Variants in CDC14A observed in about 807,000 individuals in gnomAD.
The protein encoded by CDC14A is dual specificity protein phosphatase CDC14A.
CDC14A carries 53 observed loss-of-function variants against 74.4 expected under a neutral mutation model. That is an observed-to-expected ratio of 0.71 (90% confidence interval 0.57 to 0.89). The LOEUF is 0.89. CDC14A is among the 40% of genes least tolerant of loss of function. CDC14A has a pLI of 0.00. For missense variants in CDC14A, 646 were observed against 713.7 expected (o/e 0.91, Z 1.08); for synonymous variants, 247 against 258.4 (o/e 0.96, Z 0.43).
chr1:100,412,182 C>T (rs996720129), intron 4 of CDC14A, among the ~76,000 whole-genome samples: 2 of 152,146 alleles, frequency 1.3e-5, no homozygotes, highest in African/African-American at 4.8e-5. Context: ...TAAAAACTCA[C>T]CTTTTAGAAT....
chr1:100,487,842 G>A (rs1388387899), intron 11 of CDC14A, among the ~76,000 whole-genome samples: 1 of 152,144 alleles, frequency 6.6e-6, no homozygotes, highest in Admixed American at 6.5e-5. Flanking sequence ...CCCTGCTCCT[G>A]CCTTGCACTA....
At chr1:100,394,054 T>C in intron 4 of CDC14A, 2 of 236,564 alleles carry the variant, frequency 8.5e-6, no homozygotes, top group South Asian at 1.2e-4. Flanking sequence ...TGCCCTACTC[T>C]TCTCATTTCT....
intron 11 of CDC14A, among the ~76,000 whole-genome samples, chr1:100,490,196 G>C (rs1403250061): frequency 1.3e-5 from 2 of 152,028 alleles, no homozygotes; most frequent in African/African-American, 2.4e-5. Flanking sequence ...TAAATATAAG[G>C]CTTATTATAT....
At chr1:100,395,232 C>T (rs1288426542) in intron 4 of CDC14A, among the ~76,000 whole-genome samples, 1 of 152,174 alleles carries the variant, frequency 6.6e-6, no homozygotes, top group African/African-American at 2.4e-5. Flanking sequence ...ATCTGCTTCA[C>T]AGGATTATTG....
Position 100,496,041 on chromosome 1 carries a change from G to C in CDC14A, c.1290G>C (p.Gln430His). ...AAGGACATCCAAGAGCAGTGTCCCA[G>C]CCTTTCAGGTACTGCCAATGAGGTT... ...DTKGHPRAVSQPFRLSSSLQG... is the reference protein window; with the variant it reads ...DTKGHPRAVSHPFRLSSSLQG... The change falls in exon 13 of 16, where the codon CAG becomes CAC. Residue 430 changes from glutamine to histidine, a missense_variant. Physicochemically the swap from Gln to His is conservative, Grantham distance 24. Coordinates refer to ENST00000336454, the MANE Select transcript of CDC14A (RefSeq NM_003672.4). 6.2e-7 allele frequency: 1 copy of C among 1,613,530 alleles called. No individual in the cohort carries two copies. The highest frequency in any genetic ancestry group is 8.5e-7 in the Non-Finnish European group (1 of 1,179,474).
At chr1:100,471,542 A>T (rs1668396437) in intron 10 of CDC14A, among the ~76,000 whole-genome samples, 1 of 152,150 alleles carries the variant, frequency 6.6e-6, no homozygotes, top group African/African-American at 2.4e-5. Flanking sequence ...AAAGATAAAG[A>T]TTATCTTGAA....
rs1428801895 is a variant in CDC14A at position 100,519,234 on chromosome 1, G to A, written c.*954G>A. On this transcript the variant is annotated 3_prime_UTR_variant, in exon 16 of 16. Coordinates refer to ENST00000336454, the MANE Select transcript of CDC14A (RefSeq NM_003672.4). ...GGTTTGACATCAGTTTTAAATCAAT[G>A]GAGAGAAAAAACTGAAAAAGATGCT... The A allele has an allele frequency of 6.6e-6, 1 of 151,958 alleles. No homozygotes were observed. The highest frequency in any genetic ancestry group is 1.5e-5 in the Non-Finnish European group (1 of 67,944). 9.4% of individuals were successfully genotyped at this position (151,958 alleles called of 1,614,324 possible).
intron 2 of CDC14A, among the ~76,000 whole-genome samples, chr1:100,375,643 AAAC>A (rs528201307): frequency 4.6e-5 from 7 of 152,182 alleles, no homozygotes; most frequent in Non-Finnish European, 1.0e-4. Context: ...AAAAGTCAGG[AAAC>A]AACAGGTGCT....
intron 5 of CDC14A, among the ~76,000 whole-genome samples, chr1:100,427,112 CTGGGT>C (rs1663053065): frequency 6.6e-6 from 1 of 152,038 alleles, no homozygotes. Flanking sequence ...TCATTATAAT[CTGGGT>C]TTTATTATCA....
intron 2 of CDC14A, among the ~76,000 whole-genome samples, chr1:100,357,274 A>G (rs1652046607): frequency 6.6e-6 from 1 of 152,198 alleles, no homozygotes; most frequent in African/African-American, 2.4e-5. Flanking sequence ...GAAGGTCTCA[A>G]GGTCTGTATT....
Position 100,481,997 on chromosome 1 carries a change from C to T in CDC14A, c.978-2295C>T, listed in dbSNP as rs550399225. On this transcript the variant is annotated intron_variant, in intron 10 of 15. Transcript: ENST00000336454. ...GCTGCTTTTTCTCAAGAAGCACTTG[C>T]GTACAGCATTGCTTAGCAACACACA... Among the ~76,000 whole-genome samples, 15 of 152,292 alleles carry T rather than the reference C, an allele frequency of 9.8e-5. No homozygotes were observed. In the South Asian group the frequency reaches 1.9e-3, roughly 19 times the overall value.
upstream of CDC14A, among the ~76,000 whole-genome samples, chr1:100,351,998 G>GTGTA (rs1248900546): frequency 6.9e-6 from 1 of 145,498 alleles, no homozygotes; most frequent in Non-Finnish European, 1.5e-5. Context: ...GTGTGTGTGT[G>GTGTA]TGTGTGCGCG....
Position 100,519,264 on chromosome 1 carries a change from A to G in CDC14A, c.*984A>G, listed in dbSNP as rs563768044. On this transcript the variant is annotated 3_prime_UTR_variant, in exon 16 of 16. Transcript: ENST00000336454. ...GAAAAAACTGAAAAAGATGCTGCTA[A>G]GTAGTTCTCTGTATTAAAGGAGATA... 1 of 152,142 alleles carries G rather than the reference A, an allele frequency of 6.6e-6. No homozygotes were observed. Among genetic ancestry groups the G allele is most frequent in the African/African-American group, 2.4e-5 (1 of 41,442 alleles). The allele number at this position is 152,142 out of a possible 1,614,324, so 9.4% of individuals were successfully genotyped here.
chr1:100,352,081 G>A (rs1342438589), upstream of CDC14A, among the ~76,000 whole-genome samples: 3 of 151,506 alleles, frequency 2.0e-5, no homozygotes, highest in African/African-American at 4.8e-5. Flanking sequence ...GAGAGAGAGA[G>A]AAAAGAAATC....
chr1:100,375,075 G>A (rs1440192517), intron 2 of CDC14A, among the ~76,000 whole-genome samples: 1 of 152,164 alleles, frequency 6.6e-6, no homozygotes, highest in African/African-American at 2.4e-5. Context: ...TGAAAACTTT[G>A]AGAGAAAGGT....
intron 4 of CDC14A, among the ~76,000 whole-genome samples, chr1:100,418,651 AG>A (rs1661849176): frequency 1.3e-5 from 2 of 152,112 alleles, no homozygotes. Flanking sequence ...TACGGTGATA[AG>A]GGTTTGGATA....
chr1:100,346,744 C>T (rs1243869278), intron 1 of CDC14A, among the ~76,000 whole-genome samples: 1 of 151,724 alleles, frequency 6.6e-6, no homozygotes, highest in Non-Finnish European at 1.5e-5. Flanking sequence ...GCAAACTGGA[C>T]AATAAATTGA....
rs570421359 is a variant in CDC14A, at chr1:100,417,773, C to T, written c.310-6449C>T. Among the ~76,000 whole-genome samples, 3 of 152,324 alleles carry T rather than the reference C, an allele frequency of 2.0e-5. No homozygotes were observed. In the South Asian group the frequency reaches 6.2e-4, roughly 32 times the overall value. The stretch of plus-strand genomic sequence containing the variant: ...GTAGTGATATAGTCTTTTAAAATCT[C>T]ATTCACCAATTATTAATTAAGCTGA... On this transcript the variant is annotated intron_variant, in intron 4 of 15. Transcript: ENST00000336454.
At chr1:100,362,997 T>TTTATAG (rs1333595202) in intron 2 of CDC14A, 3 of 152,108 alleles carry the variant, frequency 2.0e-5, no homozygotes, top group African/African-American at 7.2e-5. Flanking sequence ...CGCAACAGGT[T>TTTATAG]TTATAGTCTG....
Sources: gnomAD v4.1 joint callset for allele counts (sites outside exome capture counted in the v4.1 genomes callset) on GRCh38, gnomAD v4.1.1 for gene constraint, MANE v1.5 for transcripts, NCBI Gene and HGNC (gene_info 2026-07-23, HGNC 2026-07-21) for gene names.